GOLGA4: variants seen among roughly 807,000 people sequenced by gnomAD.
GOLGA4 encodes the protein golgin subfamily A member 4.
A neutral mutation model predicts 265.9 loss-of-function variants in GOLGA4; 169 were observed. That is an observed-to-expected ratio of 0.64 (90% CI 0.56 to 0.72). The LOEUF is 0.72. Ranked by LOEUF, GOLGA4 falls within the 30% of genes least tolerant of loss-of-function variation. The pLI is 0.00. For synonymous variants in GOLGA4, 923 were observed against 855.8 expected (o/e 1.08, Z -1.37); for missense variants, 2,482 against 2,483.4 (o/e 1.00, Z 0.01).
chr3:37,305,537 A>C (rs1278861605), intron 10 of GOLGA4, among the ~76,000 whole-genome samples: 2 of 152,256 alleles, frequency 1.3e-5, no homozygotes, highest in Non-Finnish European at 2.9e-5. Context: ...AGTACTAAAC[A>C]TAAGAAAAGG....
At chr3:37,292,825 C>T (rs2096868510) in intron 5 of GOLGA4, among the ~76,000 whole-genome samples, 1 of 152,190 alleles carries the variant, frequency 6.6e-6, no homozygotes, top group Non-Finnish European at 1.5e-5. Context: ...CGATGGATCT[C>T]TGAAAACATT....
chr3:37,351,832 C>T (rs1459379978), intron 21 of GOLGA4, among the ~76,000 whole-genome samples: 1 of 152,032 alleles, frequency 6.6e-6, no homozygotes, highest in Non-Finnish European at 1.5e-5. Flanking sequence ...ATTTCTAGAG[C>T]ACAGGCAGAG....
chr3:37,309,277 C>T (rs750326664), intron 10 of GOLGA4, among the ~76,000 whole-genome samples: 17 of 148,568 alleles, frequency 1.1e-4, no homozygotes, highest in African/African-American at 2.2e-4. Flanking sequence ...AATTATAGGC[C>T]GGGCGTGATG....
Position 37,323,682 on chromosome 3 carries a change from A to T in GOLGA4, c.1796A>T (p.Asn599Ile), listed in dbSNP as rs142972537. ...DLAVHLEAEKNKHNKEITVMV... is the reference protein window; with the variant it reads ...DLAVHLEAEKIKHNKEITVMV... ...GCTGTTCATCTGGAAGCTGAAAAAAATAAGCACAATAAGGAGATTACAGTC... is the reference window on the plus strand; with the variant it reads ...GCTGTTCATCTGGAAGCTGAAAAAATTAAGCACAATAAGGAGATTACAGTC... The change falls in exon 14 of 24, where the codon AAT (asparagine) becomes ATT (isoleucine). Residue 599 changes from asparagine to isoleucine, a missense_variant. Physicochemically the swap from Asn to Ile is moderately radical, Grantham distance 149. Coordinates refer to ENST00000361924, the MANE Select transcript of GOLGA4 (RefSeq NM_002078.5). 5.0e-3 allele frequency: 7,960 copies of T among 1,607,454 alleles called. 31 individuals carry two copies. The highest frequency in any genetic ancestry group is 0.016 in the African/African-American group (1,189 of 74,694).
At chr3:37,265,332 A>G (rs2096780743) in intron 2 of GOLGA4, among the ~76,000 whole-genome samples, 1 of 152,196 alleles carries the variant, frequency 6.6e-6, no homozygotes, top group African/African-American at 2.4e-5. Flanking sequence ...AGTGTAACAG[A>G]AAATGTCTTT....
At chr3:37,256,825 T>A (rs753344840) in intron 2 of GOLGA4, among the ~76,000 whole-genome samples, 1 of 152,130 alleles carries the variant, frequency 6.6e-6, no homozygotes, top group African/African-American at 2.4e-5. Flanking sequence ...CCACTCCAGA[T>A]TGGACCTGGA....
At chr3:37,323,116 CTTTTTTTT>C (rs567838649) in intron 13 of GOLGA4, among the ~76,000 whole-genome samples, 19 of 114,172 alleles carry the variant, frequency 1.7e-4, no homozygotes, top group African/African-American at 2.2e-4. Context: ...TTCCTTTTGT[CTTTTTTTT>C]TTTTTTTTTT....
intron 2 of GOLGA4, among the ~76,000 whole-genome samples, chr3:37,271,710 A>C (rs1280891598): frequency 6.6e-6 from 1 of 152,166 alleles, no homozygotes. Flanking sequence ...CTGTTCCATC[A>C]GTAAATATTT....
At chr3:37,337,509 T>C (rs937516767) in intron 18 of GOLGA4, among the ~76,000 whole-genome samples, 157 bp from the exon 19 acceptor site, 13 of 152,154 alleles carry the variant, frequency 8.5e-5, no homozygotes, top group Non-Finnish European at 1.5e-5. Flanking sequence ...AGACTAGTTA[T>C]TCTTTGAATT....
chr3:37,261,533 C>T (rs1311097571), intron 2 of GOLGA4, among the ~76,000 whole-genome samples: 1 of 152,104 alleles, frequency 6.6e-6, no homozygotes, highest in Non-Finnish European at 1.5e-5. Context: ...TTTAATTCTT[C>T]CAAGTATGGT....
chr3:37,281,405 C>A (rs918816426), intron 2 of GOLGA4, among the ~76,000 whole-genome samples: 2 of 152,134 alleles, frequency 1.3e-5, no homozygotes, highest in Non-Finnish European at 2.9e-5. Flanking sequence ...AAAGTGGGTT[C>A]ATTACACATT....
chr3:37,281,101 T>C (rs2096833494), intron 2 of GOLGA4, among the ~76,000 whole-genome samples: 1 of 152,238 alleles, frequency 6.6e-6, no homozygotes, highest in South Asian at 2.1e-4. Context: ...TCAGTAAATA[T>C]TGACTGCTGT....
At chr3:37,302,371 A>T in intron 10 of GOLGA4, 39 bp downstream of exon 10, 1 of 1,565,864 alleles carries the variant, frequency 6.4e-7, no homozygotes, top group East Asian at 2.3e-5. Flanking sequence ...GTTGGAACTC[A>T]AAAGTTATTT....
At chr3:37,286,564 C>T (rs961755124) in intron 4 of GOLGA4, among the ~76,000 whole-genome samples, 1 of 151,818 alleles carries the variant, frequency 6.6e-6, no homozygotes, top group Non-Finnish European at 1.5e-5. Flanking sequence ...GAATGAGATC[C>T]CAGAGATTTT....
intron 10 of GOLGA4, among the ~76,000 whole-genome samples, chr3:37,306,155 TTAAA>T (rs761596488): frequency 2.0e-5 from 3 of 152,224 alleles, no homozygotes; most frequent in Non-Finnish European, 2.9e-5. Flanking sequence ...CCTGCAGTTC[TTAAA>T]TAGTCTCCTC....
chr3:37,292,555 A>G (rs1462839710), intron 5 of GOLGA4, among the ~76,000 whole-genome samples: 1 of 152,060 alleles, frequency 6.6e-6, no homozygotes, highest in Non-Finnish European at 1.5e-5. Context: ...GTGTGGTGGC[A>G]CGCACCTGTA....
intron 17 of GOLGA4, among the ~76,000 whole-genome samples, 195 bp downstream of exon 17, chr3:37,335,361 A>G (rs1312827717): frequency 3.9e-5 from 6 of 152,236 alleles, no homozygotes; most frequent in Middle Eastern, 3.2e-3. Context: ...AGCTCACACA[A>G]TAAGTGTTGT....
chr3:37,336,742 C>T (rs2097014280), intron 17 of GOLGA4, among the ~76,000 whole-genome samples: 1 of 151,732 alleles, frequency 6.6e-6, no homozygotes. Context: ...GCACTCCACC[C>T]TGGGCAACAA....
chr3:37,294,491 T>C (rs2096873138), intron 5 of GOLGA4, among the ~76,000 whole-genome samples: 1 of 151,802 alleles, frequency 6.6e-6, no homozygotes, highest in African/African-American at 2.4e-5. Flanking sequence ...TTCAAGTGAT[T>C]CCCCTGCCTC....
Sources: allele counts gnomAD v4.1 joint callset (sites outside exome capture counted in the v4.1 genomes callset), GRCh38; gene constraint gnomAD v4.1.1; transcripts MANE v1.5; gene names NCBI Gene and HGNC (gene_info 2026-07-23, HGNC 2026-07-21).